Variants in ASTN2 observed in about 807,000 individuals in gnomAD.
ASTN2 encodes the protein astrotactin 2, also known as astrotactin-2.
ASTN2 carries 54 observed loss-of-function variants against 139.8 expected under a neutral mutation model. The ratio of observed to expected loss-of-function variants is 0.39; its 90% CI spans 0.31 to 0.48. The LOEUF is 0.48. ASTN2 is among the 20% of genes least tolerant of loss of function. The probability of loss-of-function intolerance (pLI) is 0.95; values close to 1 mark genes in which losing one functional copy is unlikely to be tolerated. For synonymous variants in ASTN2, 756 were observed against 719.5 expected (o/e 1.05, Z -0.81); for missense variants, 1,565 against 1,725.1 (o/e 0.91, Z 1.64).
At chr9:116,875,386 G>T (rs969243018) in intron 10 of ASTN2, among the ~76,000 whole-genome samples, 1 of 152,176 alleles carries the variant, frequency 6.6e-6, no homozygotes. Flanking sequence ...TTCTATGAAG[G>T]CTGAGAGAGG....
At chr9:116,461,488 A>C (rs996741144) in intron 20 of ASTN2, among the ~76,000 whole-genome samples, 7 of 152,150 alleles carry the variant, frequency 4.6e-5, no homozygotes, top group African/African-American at 1.4e-4. Flanking sequence ...ACACACATAT[A>C]AAAATCTGTG....
intron 4 of ASTN2, among the ~76,000 whole-genome samples, chr9:117,123,011 C>T (rs769525767): frequency 3.3e-5 from 5 of 152,080 alleles, no homozygotes; most frequent in Non-Finnish European, 7.4e-5. Context: ...CTCCAGGATA[C>T]CCCTGGCCCT....
intron 19 of ASTN2, chr9:116,584,747 G>A (rs980143882): frequency 2.0e-5 from 3 of 152,208 alleles, no homozygotes; most frequent in Admixed American, 2.0e-4. Flanking sequence ...AAAGGAAGAA[G>A]TATAATTGTC....
intron 13 of ASTN2, among the ~76,000 whole-genome samples, chr9:116,770,773 T>C (rs544954720): frequency 2.6e-5 from 4 of 152,148 alleles, no homozygotes; most frequent in Non-Finnish European, 5.9e-5. Flanking sequence ...ATGAGTACCC[T>C]ACGGAAAAGC....
At chr9:116,456,014 T>C (rs1477765848) in intron 20 of ASTN2, among the ~76,000 whole-genome samples, 1 of 152,024 alleles carries the variant, frequency 6.6e-6, no homozygotes, top group African/African-American at 2.4e-5. Flanking sequence ...GAAGCCTAGC[T>C]AGAGAAATCA....
intron 13 of ASTN2, among the ~76,000 whole-genome samples, chr9:116,803,495 TA>T (rs1830927994): frequency 2.9e-4 from 2 of 6,930 alleles, no homozygotes; most frequent in African/African-American, 5.1e-4. Flanking sequence ...TATATATATA[TA>T]TATATATATA....
At chr9:116,890,081 G>A (rs1564325359) in intron 10 of ASTN2, among the ~76,000 whole-genome samples, 2 of 152,218 alleles carry the variant, frequency 1.3e-5, no homozygotes, top group Non-Finnish European at 2.9e-5. Flanking sequence ...CAACATTTCA[G>A]AGGTATTGAA....
chr9:116,695,631 C>T (rs1045304054), intron 16 of ASTN2, among the ~76,000 whole-genome samples: 2 of 152,194 alleles, frequency 1.3e-5, no homozygotes, highest in Non-Finnish European at 2.9e-5. Context: ...GGTTGACCAT[C>T]TGCAGATCAC....
At chr9:116,487,216 C>T in intron 20 of ASTN2, 143 bp downstream of exon 20, 1 of 1,135,018 alleles carries the variant, frequency 8.8e-7, no homozygotes, top group Non-Finnish European at 1.2e-6. Context: ...ATGGACACTT[C>T]TAAACCTTAG....
At chr9:116,864,459 A>AAGACT (rs1366560848) in intron 10 of ASTN2, among the ~76,000 whole-genome samples, 2 of 152,180 alleles carry the variant, frequency 1.3e-5, no homozygotes, top group African/African-American at 2.4e-5. Flanking sequence ...CTCAAAAGAT[A>AAGACT]AGACTAGACT....
chr9:116,439,937 C>G (rs761291008), intron 22 of ASTN2, among the ~76,000 whole-genome samples: 4 of 152,204 alleles, frequency 2.6e-5, no homozygotes, highest in African/African-American at 4.8e-5. Flanking sequence ...GCATTGTCAG[C>G]AGCCACCACA....
intron 1 of ASTN2, among the ~76,000 whole-genome samples, chr9:117,398,180 G>A (rs1830725951): frequency 6.6e-6 from 1 of 152,180 alleles, no homozygotes; most frequent in East Asian, 1.9e-4. Context: ...GATAGTTTCA[G>A]GGGCCTGAAC....
intron 10 of ASTN2, among the ~76,000 whole-genome samples, chr9:116,951,634 G>T (rs1210729698): frequency 1.3e-5 from 2 of 152,140 alleles, no homozygotes; most frequent in South Asian, 2.1e-4. Flanking sequence ...GAGATGAGTA[G>T]GAGAGGGTGG....
chr9:116,648,990 C>T (rs1460913939), intron 17 of ASTN2, among the ~76,000 whole-genome samples: 2 of 151,876 alleles, frequency 1.3e-5, no homozygotes, highest in South Asian at 2.1e-4. Context: ...GCCAAGATTG[C>T]GCCACTGCAC....
At chr9:116,607,632 G>A (rs978009845) in intron 19 of ASTN2, among the ~76,000 whole-genome samples, 14 of 150,526 alleles carry the variant, frequency 9.3e-5, no homozygotes, top group Non-Finnish European at 1.9e-4. Flanking sequence ...AACAAGGACT[G>A]GATTTATTTG....
At chr9:117,243,879 T>G (rs1833287433) in intron 2 of ASTN2, among the ~76,000 whole-genome samples, 1 of 152,130 alleles carries the variant, frequency 6.6e-6, no homozygotes, top group Non-Finnish European at 1.5e-5. Flanking sequence ...AGCCCATGCT[T>G]AGTACCTAAC....
At chr9:116,817,477 G>A (rs553541395) in intron 12 of ASTN2, among the ~76,000 whole-genome samples, 196 of 152,188 alleles carry the variant, frequency 1.3e-3, no homozygotes, top group African/African-American at 4.4e-3. Context: ...GGGGTACAAA[G>A]GAGAAAGAGA....
rs1832257091 is a variant in ASTN2, at chr9:117,214,761, A to C, written c.631-19T>G. The C allele has an allele frequency of 6.8e-7, 1 of 1,469,420 alleles. No individual in the cohort carries two copies. Among genetic ancestry groups the C allele is most frequent in the Non-Finnish European group, 9.0e-7 (1 of 1,110,412 alleles). The allele number at this position is 1,469,420 out of a possible 1,614,324, so 91.0% of individuals were successfully genotyped here. On this transcript the variant is annotated intron_variant, in intron 2 of 22. Coordinates refer to ENST00000313400, the MANE Select transcript of ASTN2 (RefSeq NM_001365068.1). ...GGCCACCCTGGAGCAGGAAGGAAGG[A>C]CACACAAATGGGCCACTGTTCTTTG... is the stretch of plus-strand genomic sequence containing the variant.
chr9:116,943,576 T>TA (rs1231426978), intron 10 of ASTN2, among the ~76,000 whole-genome samples: 15 of 152,266 alleles, frequency 9.9e-5, no homozygotes, highest in Admixed American at 8.5e-4. Flanking sequence ...AAAAAGCTCT[T>TA]AAAATAAGGC....
Sources: gnomAD v4.1 joint callset for allele counts (sites outside exome capture counted in the v4.1 genomes callset) on GRCh38, gnomAD v4.1.1 for gene constraint, MANE v1.5 for transcripts, NCBI Gene and HGNC (gene_info 2026-07-23, HGNC 2026-07-21) for gene names.